NAGPA: variants seen among roughly 807,000 people sequenced by gnomAD.
The protein encoded by NAGPA is N-acetylglucosamine-1-phosphodiester alpha-N-acetylglucosaminidase, also known as alpha-N-acetylglucosaminyl phosphodiesterase.
NAGPA carries 56 observed loss-of-function variants against 48.5 expected under a neutral mutation model. The observed-to-expected ratio is 1.15, with a 90% CI of 0.93 to 1.44. The LOEUF (loss-of-function observed/expected upper bound fraction) is 1.44, where lower values mean the gene tolerates loss of function less well. Ranked by LOEUF, NAGPA falls within the 40% of genes most tolerant of loss-of-function variation. NAGPA has a pLI of 0.00. For synonymous variants in NAGPA, 399 were observed against 315.5 expected, an observed-to-expected ratio of 1.26 and a Z score of -2.81; for missense variants, 888 against 735.0, an observed-to-expected ratio of 1.21 and a Z score of -2.41.
At chr16:5,032,880 A>C in intron 2 of NAGPA, 1 of 270,674 alleles carries the variant, frequency 3.7e-6, no homozygotes, top group Non-Finnish European at 7.0e-6. Context: ...GTCACCTCGG[A>C]GAGGCGTGTT....
rs1955977485 is a variant in NAGPA, at chr16:5,025,405, A to C, written c.*73T>G. The C allele has an allele frequency of 6.4e-7, 1 of 1,573,496 alleles. No individual in the cohort carries two copies. Among genetic ancestry groups the C allele is most frequent in the African/African-American group, 1.4e-5 (1 of 73,956 alleles). The stretch of plus-strand genomic sequence containing the variant: ...CAGATGGTCCACGCCAGTGGCCTTG[A>C]AATTTCCCCTGCAGAAGCCAGACCG... On this transcript the variant is annotated 3_prime_UTR_variant, in exon 10 of 10. Transcript: ENST00000312251.
intron 4 of NAGPA, chr16:5,029,304 G>A (rs1956061446): frequency 2.3e-6 from 1 of 425,968 alleles, no homozygotes; most frequent in Admixed American, 3.6e-5. Context: ...TCTCTGGCTG[G>A]TGACAGAATA....
At chr16:5,027,055 G>T in intron 9 of NAGPA, 80 bp downstream of exon 9, 1 of 1,539,082 alleles carries the variant, frequency 6.5e-7, no homozygotes, top group South Asian at 1.1e-5. Flanking sequence ...CAAGGGCAGA[G>T]ATGGACCTCA....
In NAGPA at chr16:5,033,275, G is replaced by A. The variant is rs753720352; in HGVS notation, c.540C>T (p.Thr180=). 5 of 1,592,100 alleles carry A rather than the reference G, an allele frequency of 3.1e-6. No individual in the cohort carries two copies. In the South Asian group the frequency reaches 4.4e-5, roughly 14 times the overall value. ...FGIRRDGTLV[T]GYLSEEEVLD... Reference sequence around the variant, plus strand: ...CACGGGGCTCCCTGCCTCCTCACCCGGTGACCAGGGTCCCGTCGCGGCGGA... The same window carrying A: ...CACGGGGCTCCCTGCCTCCTCACCCAGTGACCAGGGTCCCGTCGCGGCGGA... The change falls in exon 2 of 10, where the codon ACC becomes ACT. Residue 180 remains threonine, a splice_region_variant and synonymous_variant. Transcript: ENST00000312251. This position sits in a 1 kb window ranked among gnomAD's most constrained non-coding sequence, Gnocchi z 4.2.
At position 5,033,452 on chromosome 16, in the gene NAGPA, G is replaced by A. The variant is rs544904807; in HGVS notation, c.363C>T (p.Ala121=). 11 of 1,588,422 alleles carry A rather than the reference G, an allele frequency of 6.9e-6. No individual in the cohort carries two copies. In the African/African-American group the frequency reaches 1.5e-4, roughly 21 times the overall value. Residue 121 remains alanine (A), a synonymous_variant, in exon 2 of 10, where the codon GCC becomes GCT. Coordinates refer to ENST00000312251, the MANE Select transcript of NAGPA (RefSeq NM_016256.4). This position sits in a 1 kb window ranked among gnomAD's most constrained non-coding sequence, Gnocchi z 4.2. ...GPGGCAARRR[A]TVEETARAAD... ...CCGCCCGCGCCGTCTCCTCCACGGT[G>A]GCGCGTCGTCTCGCCGCGCAGCCGC...
chr16:5,030,056 T>C (rs1567140564), intron 4 of NAGPA: 2 of 476,428 alleles, frequency 4.2e-6, no homozygotes, highest in South Asian at 2.2e-5. Flanking sequence ...GAGGGACTTG[T>C]CTACGGCATA....
At chr16:5,026,013 C>T (rs552317297) in intron 9 of NAGPA, among the ~76,000 whole-genome samples, 2 of 151,522 alleles carry the variant, frequency 1.3e-5, no homozygotes, top group African/African-American at 2.4e-5. Context: ...ACTGCAATCT[C>T]CGCCTCCTGG....
rs1331587277 is a variant in NAGPA at position 5,027,869 on chromosome 16, C to G, written c.1151G>C (p.Trp384Ser). The part of the protein sequence containing the change: ...TETGCRCDAG[W>S]TGSNCSEECP... ...ACCTTCACTGCAGTTGGACCCGGTC[C>G]ATCCGGCATCACAGCGGCAGCCGGC... is the stretch of plus-strand genomic sequence containing the variant. Residue 384 changes from tryptophan to serine, a missense_variant, in exon 7 of 10, where the codon TGG becomes TCG. Transcript: ENST00000312251. 2 of 1,576,264 alleles carry G rather than the reference C, an allele frequency of 1.3e-6. No homozygotes were observed. The highest frequency in any genetic ancestry group is 1.7e-6 in the Non-Finnish European group (2 of 1,160,708).
intron 2 of NAGPA, among the ~76,000 whole-genome samples, chr16:5,032,502 C>CCA (rs1035637674): frequency 1.3e-5 from 2 of 150,946 alleles, no homozygotes; most frequent in Non-Finnish European, 3.0e-5. Context: ...TTCCCCACCC[C>CCA]ATCCCGTCTC....
chr16:5,026,567 T>G (rs958196826), intron 9 of NAGPA, among the ~76,000 whole-genome samples: 1 of 152,174 alleles, frequency 6.6e-6, no homozygotes, highest in Non-Finnish European at 1.5e-5. Flanking sequence ...TGAATGTTAC[T>G]GATTTTTAGA....
At chr16:5,027,228 G>C (rs1398400831) in intron 8 of NAGPA, 30 bp from the exon 9 acceptor site, 3 of 1,614,234 alleles carry the variant, frequency 1.9e-6, no homozygotes, top group Non-Finnish European at 2.5e-6. Context: ...GGCTGAAGGG[G>C]CCGGAGCAGG....
chr16:5,025,535 C>G lies in NAGPA; in HGVS notation c.1491G>C (p.Glu497Asp), dbSNP rs1955982101. Residue 497 changes from glutamate to aspartate, a missense_variant, in exon 10 of 10, where the codon GAG (glutamate) becomes GAC (aspartate). By Grantham distance (45) the Glu-to-Asp change is conservative. Transcript: ENST00000312251. ...AYHPLQEMNGEPLAAEKEQPG... is the reference protein window; with the variant it reads ...AYHPLQEMNGDPLAAEKEQPG... Reference sequence around the variant, plus strand: ...GCTGCTCCTTCTCTGCGGCCAGAGGCTCCCCGTTCATCTCCTGCAGCGGGT... The same window carrying G: ...GCTGCTCCTTCTCTGCGGCCAGAGGGTCCCCGTTCATCTCCTGCAGCGGGT... 3 of 1,613,272 alleles carry G rather than the reference C, an allele frequency of 1.9e-6. No individual in the cohort carries two copies. The highest frequency in any genetic ancestry group is 2.2e-5 in the South Asian group (2 of 91,038).
Position 5,025,470 on chromosome 16 carries a change from T to C in NAGPA, c.*8A>G. 1 of 1,611,680 alleles carries C rather than the reference T, an allele frequency of 6.2e-7. No individual in the cohort carries two copies. Among genetic ancestry groups the C allele is most frequent in the Non-Finnish European group, 8.5e-7 (1 of 1,179,746 alleles). On this transcript the variant is annotated 3_prime_UTR_variant, in exon 10 of 10. Coordinates refer to ENST00000312251, the MANE Select transcript of NAGPA (RefSeq NM_016256.4). Reference sequence around the variant, plus strand: ...TTCGCGACGTGCCACCCCGGGCAGCTTGAGGCTTCAGTCCTTGAAGGGGTT... The same window carrying C: ...TTCGCGACGTGCCACCCCGGGCAGCCTGAGGCTTCAGTCCTTGAAGGGGTT...
In NAGPA at chr16:5,033,797, C is replaced by CGA; in HGVS notation, c.86+30_86+31dup. 1 of 1,565,408 alleles carries CGA rather than the reference C, an allele frequency of 6.4e-7. No homozygotes were observed. The highest frequency in any genetic ancestry group is 1.2e-5 in the South Asian group (1 of 85,808). On this transcript the variant is annotated intron_variant, in intron 1 of 9. Transcript: ENST00000312251. The surrounding 1 kb of genome is among the most constrained non-coding windows in gnomAD (Gnocchi z 4.2). Reference sequence around the variant, plus strand: ...AGCTCGGAGGACAGGGGGGACCCCCCGAACCAGGCTGGCCCAGGGAGCTGC... The same window carrying CGA: ...AGCTCGGAGGACAGGGGGGACCCCCCGAGAACCAGGCTGGCCCAGGGAGCTGC...
Position 5,031,793 on chromosome 16 carries a change from A to G in NAGPA, c.634T>C (p.Tyr212His). The part of the protein sequence containing the change: ...VVWLIRNGSI[Y>H]INESQATECD... ...TCTGTGGCTTGGCTCTCGTTGATGT[A>G]GATGCTTCCATTACGAATCAGCCAC... is the stretch of plus-strand genomic sequence containing the variant. The change falls in exon 3 of 10, where the codon TAC becomes CAC. Residue 212 changes from tyrosine (Y) to histidine (H), a missense_variant. Physicochemically the swap from Tyr to His is moderately conservative, Grantham distance 83. Coordinates refer to ENST00000312251, the MANE Select transcript of NAGPA (RefSeq NM_016256.4). 1.9e-6 allele frequency: 3 copies of G among 1,614,148 alleles called. No homozygotes were observed. The highest frequency in any genetic ancestry group is 1.1e-5 in the South Asian group (1 of 91,078).
chr16:5,027,906 G>C lies in NAGPA; in HGVS notation c.1127-13C>G, dbSNP rs1011666463. On this transcript the variant is annotated splice_polypyrimidine_tract_variant and intron_variant, in intron 6 of 9. Transcript: ENST00000312251. ...CAGCGGCAGCCGGCTGCCGAGACAA[G>C]ACCGGGGAGGCCAGGTGAGGGCCTA... The C allele has an allele frequency of 1.2e-6, 2 of 1,606,684 alleles. No homozygotes were observed. Among genetic ancestry groups the C allele is most frequent in the Non-Finnish European group, 1.7e-6 (2 of 1,176,914 alleles).
At position 5,033,742 on chromosome 16, in the gene NAGPA, C is replaced by T. The variant is rs780992850; in HGVS notation, c.87-14G>A. ...TCGCGGGAGGCCCTGCGGGGACGGG[C>T]GGCCGTGAGCTCAGGGGGCTGTCCT... On this transcript the variant is annotated splice_polypyrimidine_tract_variant and intron_variant, in intron 1 of 9. Coordinates refer to ENST00000312251, the MANE Select transcript of NAGPA (RefSeq NM_016256.4). The surrounding 1 kb of genome is among the most constrained non-coding windows in gnomAD (Gnocchi z 4.2). 2.7e-5 allele frequency: 43 copies of T among 1,599,468 alleles called. No individual in the cohort carries two copies. Among genetic ancestry groups the T allele is most frequent in the Non-Finnish European group, 3.3e-5 (39 of 1,174,970 alleles).
chr16:5,029,356 G>T, intron 4 of NAGPA: 2 of 359,138 alleles, frequency 5.6e-6, no homozygotes, highest in Non-Finnish European at 1.1e-5. Flanking sequence ...GAGGGTGGCC[G>T]GACAACTGGG....
At position 5,033,581 on chromosome 16, in the gene NAGPA, C is replaced by G; in HGVS notation, c.234G>C (p.Val78=). The part of the protein sequence containing the change: ...PATPGAGGLA[V]RTFVSHFRDR... ...CCCTGAAGTGCGACACGAAGGTGCG[C>G]ACGGCCAGACCGCCGGCGCCGGGAG... The change falls in exon 2 of 10, where the codon GTG becomes GTC. Residue 78 remains valine (V), a synonymous_variant. Coordinates refer to ENST00000312251, the MANE Select transcript of NAGPA (RefSeq NM_016256.4). The surrounding 1 kb of genome is among the most constrained non-coding windows in gnomAD (Gnocchi z 4.2). The G allele has an allele frequency of 2.7e-6, 4 of 1,484,406 alleles. No homozygotes were observed. The highest frequency in any genetic ancestry group is 3.5e-6 in the Non-Finnish European group (4 of 1,128,630). 92.0% of individuals were successfully genotyped at this position (1,484,406 alleles called of 1,614,324 possible).
Sources: allele counts gnomAD v4.1 joint callset (sites outside exome capture counted in the v4.1 genomes callset), GRCh38; gene constraint gnomAD v4.1.1; non-coding constraint Gnocchi (gnomAD v3.1); transcripts MANE v1.5; gene names NCBI Gene and HGNC (gene_info 2026-07-23, HGNC 2026-07-21).